SYDE2: variants seen among roughly 807,000 people sequenced by gnomAD.
The protein encoded by SYDE2 is synapse defective Rho GTPase homolog 2.
SYDE2 carries 76 observed loss-of-function variants against 91.5 expected under a neutral mutation model. The ratio of observed to expected loss-of-function variants is 0.83; its 90% CI spans 0.69 to 1.01. SYDE2 has a LOEUF of 1.01. SYDE2 is among the 50% of genes least tolerant of loss of function. The pLI, the probability that SYDE2 is intolerant of heterozygous loss-of-function variation, is 0.00. For synonymous variants in SYDE2, 513 were observed against 506.4 expected, an observed-to-expected ratio of 1.01 and a Z score of -0.18; for missense variants, 1,364 against 1,367.7, an observed-to-expected ratio of 1.00 and a Z score of 0.04.
downstream of SYDE2, among the ~76,000 whole-genome samples, chr1:85,154,559 A>C (rs368744780): frequency 2.3e-3 from 351 of 150,164 alleles, 2 homozygotes; most frequent in African/African-American, 8.1e-3. Flanking sequence ...TATATTAACA[A>C]CACCAACGTC....
At chr1:85,199,159 T>C (rs1243772356) in intron 1 of SYDE2, among the ~76,000 whole-genome samples, 1 of 152,214 alleles carries the variant, frequency 6.6e-6, no homozygotes, top group Admixed American at 6.5e-5. Flanking sequence ...TCCAGTCCTG[T>C]AGGATTTATA....
At chr1:85,154,384 A>G (rs371010695), downstream of SYDE2, among the ~76,000 whole-genome samples, 1 of 31,214 alleles carries the variant, frequency 3.2e-5, no homozygotes, top group Non-Finnish European at 6.9e-5. Context: ...TTTGAGACGG[A>G]GTCTCGCTCT....
intron 6 of SYDE2, 92 bp downstream of exon 6, chr1:85,164,434 G>T: frequency 1.0e-6 from 1 of 955,192 alleles, no homozygotes; most frequent in Non-Finnish European, 1.4e-6. Flanking sequence ...ATCTAGAAGA[G>T]TTTCTTCAAT....
rs1658784065 is a variant in SYDE2, at chr1:85,200,512, G to A, written c.485C>T (p.Ala162Val). The A allele has an allele frequency of 1.2e-6, 2 of 1,613,414 alleles. No individual in the cohort carries two copies. The highest frequency in any genetic ancestry group is 1.1e-5 in the South Asian group (1 of 91,096). ...GCCACTGCGTATCACAGAGGACCCC[G>A]CTGGATCCCTGAAAGGGCTTCCCGA... is the stretch of plus-strand genomic sequence containing the variant. ...CSSGSPFRDP[A>V]GSSVIRSGKG... The change falls in exon 1 of 7, where the codon GCG (alanine) becomes GTG (valine). Residue 162 changes from alanine (A) to valine (V), a missense_variant. Ala to Val is a moderately conservative substitution (Grantham distance 64). Coordinates refer to ENST00000341460, the MANE Select transcript of SYDE2 (RefSeq NM_032184.2).
chr1:85,163,866 C>G (rs1382763938), intron 6 of SYDE2, among the ~76,000 whole-genome samples: 1 of 152,088 alleles, frequency 6.6e-6, no homozygotes, highest in Non-Finnish European at 1.5e-5. Flanking sequence ...TTTCTTTTAA[C>G]TCTGAAATTA....
Position 85,200,239 on chromosome 1 carries a change from C to T in SYDE2, c.745+13G>A, listed in dbSNP as rs745763463. The T allele has an allele frequency of 5.6e-6, 9 of 1,613,642 alleles. No individual in the cohort carries two copies. The highest frequency in any genetic ancestry group is 1.3e-5 in the African/African-American group (1 of 74,894). The stretch of plus-strand genomic sequence containing the variant: ...GCTCGCGGTGCTAGCATTTTCATCG[C>T]AAAGTATCCTACCTGTCAGCGTAAT... On this transcript the variant is annotated intron_variant, in intron 1 of 6. Coordinates refer to ENST00000341460, the MANE Select transcript of SYDE2 (RefSeq NM_032184.2).
At chr1:85,167,614 CTAATTTTTG>C (rs906517338) in intron 5 of SYDE2, among the ~76,000 whole-genome samples, 2 of 152,118 alleles carry the variant, frequency 1.3e-5, no homozygotes, top group Non-Finnish European at 2.9e-5. Context: ...CCATGCCCGG[CTAATTTTTG>C]TAATTTTTGT....
At chr1:85,188,217 A>C (rs112910359) in intron 2 of SYDE2, among the ~76,000 whole-genome samples, 1 of 152,058 alleles carries the variant, frequency 6.6e-6, no homozygotes, top group African/African-American at 2.4e-5. Flanking sequence ...CCAAATTACT[A>C]TTCTATATAG....
intron 4 of SYDE2, among the ~76,000 whole-genome samples, chr1:85,174,507 G>T (rs1477856814): frequency 6.6e-5 from 10 of 152,124 alleles, no homozygotes; most frequent in Non-Finnish European, 1.5e-4. Context: ...TACAAAATGA[G>T]AATCATTCTC....
At chr1:85,168,560 G>A (rs1657383172) in intron 5 of SYDE2, among the ~76,000 whole-genome samples, 1 of 152,110 alleles carries the variant, frequency 6.6e-6, no homozygotes, top group Admixed American at 6.6e-5. Flanking sequence ...GAGAGGGGGT[G>A]AATGGAAAGG....
At chr1:85,178,655 G>A (rs1443877948) in intron 3 of SYDE2, among the ~76,000 whole-genome samples, 2 of 152,008 alleles carry the variant, frequency 1.3e-5, no homozygotes, top group Non-Finnish European at 2.9e-5. Context: ...GAGTCATAAA[G>A]CCCCACTGCT....
At chr1:85,184,387 A>C (rs1237935261) in intron 2 of SYDE2, among the ~76,000 whole-genome samples, 1 of 152,212 alleles carries the variant, frequency 6.6e-6, no homozygotes, top group African/African-American at 2.4e-5. Flanking sequence ...CATTATGAAG[A>C]TCACTGCAAT....
intron 1 of SYDE2, among the ~76,000 whole-genome samples, chr1:85,194,107 A>G (rs1010558801): frequency 1.3e-5 from 2 of 151,856 alleles, no homozygotes; most frequent in African/African-American, 4.8e-5. Flanking sequence ...TATTTATTAA[A>G]CTGAATTAAT....
chr1:85,163,294 G>A lies in SYDE2; in HGVS notation c.3085+1232C>T, dbSNP rs375441113. Among the ~76,000 whole-genome samples, 86 of 151,266 alleles carry A rather than the reference G, an allele frequency of 5.7e-4. No homozygotes were observed. The East Asian group carries it at 7.2e-3, about 13-fold the overall frequency. ...GCTAAATTTTTGTATTTTTAATGGAGGCGGGGTTTCACTATGTTGGCCAGG... is the reference window on the plus strand; with the variant it reads ...GCTAAATTTTTGTATTTTTAATGGAAGCGGGGTTTCACTATGTTGGCCAGG... On this transcript the variant is annotated intron_variant, in intron 6 of 6. Coordinates refer to ENST00000341460, the MANE Select transcript of SYDE2 (RefSeq NM_032184.2).
intron 3 of SYDE2, chr1:85,181,103 G>A (rs1339441480): frequency 7.0e-6 from 1 of 142,530 alleles, no homozygotes; most frequent in Non-Finnish European, 1.5e-5. Flanking sequence ...TTCAATAGTT[G>A]AGATGTGTTA....
rs1491322072 is a variant in SYDE2 at position 85,163,442 on chromosome 1, A to AATATATAT, written c.3085+1083_3085+1084insATATATAT. Among the ~76,000 whole-genome samples, 116 of 50,748 alleles carry AATATATAT rather than the reference A, an allele frequency of 2.3e-3. 1 individual carries two copies. The highest frequency in any genetic ancestry group is 5.2e-3 in the South Asian group (7 of 1,344). 33.3% of individuals were successfully genotyped at this position (50,748 alleles called of 152,430 possible). A position where few individuals can be genotyped will look rare whatever the true frequency, so the allele number is the denominator to read the frequency against. The stretch of plus-strand genomic sequence containing the variant: ...GAAATCAAGCATTCTCTTGTACTTT[A>AATATATAT]ATCTATATATATATATATATATATA... On this transcript the variant is annotated intron_variant, in intron 6 of 6. Coordinates refer to ENST00000341460, the MANE Select transcript of SYDE2 (RefSeq NM_032184.2).
chr1:85,181,539 G>A (rs1490533452), intron 3 of SYDE2: 2 of 152,152 alleles, frequency 1.3e-5, no homozygotes, highest in East Asian at 3.9e-4. Context: ...AATAATGGAG[G>A]AGAAACCAGA....
chr1:85,193,228 G>A (rs764560446), intron 1 of SYDE2, among the ~76,000 whole-genome samples: 3 of 152,160 alleles, frequency 2.0e-5, no homozygotes, highest in Non-Finnish European at 2.9e-5. Flanking sequence ...ACATGATTTT[G>A]CCAGGTGCAC....
In SYDE2 at chr1:85,182,159, C is replaced by A; in HGVS notation, c.2483G>T (p.Gly828Val). Residue 828 changes from glycine (G) to valine (V), a missense_variant, in exon 3 of 7, where the codon GGA (glycine) becomes GTA (valine). Transcript: ENST00000341460. ...IQKVVEKENI[G>V]LMVPLLIQKC... ...CTGTATCAGAAGGGGCACCATCAGT[C>A]CTATATTTTCTTTCTCTACAACTTT... 1 of 1,604,802 alleles carries A rather than the reference C, an allele frequency of 6.2e-7. No individual in the cohort carries two copies. Among genetic ancestry groups the A allele is most frequent in the Non-Finnish European group, 8.5e-7 (1 of 1,175,244 alleles).
Sources: gnomAD v4.1 joint callset for allele counts (sites outside exome capture counted in the v4.1 genomes callset) on GRCh38, gnomAD v4.1.1 for gene constraint, MANE v1.5 for transcripts, NCBI Gene and HGNC (gene_info 2026-07-23, HGNC 2026-07-21) for gene names.